NME1: variants seen among roughly 807,000 people sequenced by gnomAD.
NME1 encodes the protein NME/NM23 nucleoside diphosphate kinase 1.
In NME1, 9 loss-of-function variants were observed where a neutral mutation model predicts 17.2. The observed-to-expected ratio is 0.52, with a 90% CI of 0.32 to 0.92. The LOEUF is 0.92. Among genes scored for constraint, NME1 ranks in the 40% least tolerant of loss-of-function variants. The probability of loss-of-function intolerance (pLI) is 0.04; values close to 1 mark genes in which losing one functional copy is unlikely to be tolerated. For synonymous variants in NME1, 72 were observed against 70.8 expected, an observed-to-expected ratio of 1.02 and a Z score of -0.09; for missense variants, 169 against 201.7, an observed-to-expected ratio of 0.84 and a Z score of 0.98.
chr17:51,153,950 C>T (rs1352730056), intron 1 of NME1: 1 of 207,248 alleles, frequency 4.8e-6, no homozygotes, highest in Admixed American at 5.3e-5. Context: ...AGTTGGCGCT[C>T]TGTAAGTGCT....
In NME1 at chr17:51,161,878, A is replaced by G; in HGVS notation, c.*33A>G. 3 of 1,351,612 alleles carry G rather than the reference A, an allele frequency of 2.2e-6. No homozygotes were observed. The East Asian group carries it at 6.9e-5, about 31-fold the overall frequency. 83.7% of individuals were successfully genotyped at this position (1,351,612 alleles called of 1,614,324 possible). A position where few individuals can be genotyped will look rare whatever the true frequency, so the allele number is the denominator to read the frequency against. On this transcript the variant is annotated 3_prime_UTR_variant, in exon 5 of 5. Transcript: ENST00000393196. ...GCAGACCACATTGCTTTTCACATCC[A>G]TTTCCCCTCCTTCCCATGGGCAGAG...
intron 2 of NME1, among the ~76,000 whole-genome samples, chr17:51,158,337 A>G (rs535194109): frequency 4.6e-5 from 7 of 151,958 alleles, no homozygotes; most frequent in Non-Finnish European, 8.8e-5. Flanking sequence ...GCTACTGAGA[A>G]TCTGAGGCAA....
At chr17:51,155,886 A>G in intron 2 of NME1, 106 bp downstream of exon 2, 5 of 1,551,242 alleles carry the variant, frequency 3.2e-6, no homozygotes, top group Non-Finnish European at 3.5e-6. Flanking sequence ...TCCACGGTAG[A>G]GTGAACACAA....
intron 1 of NME1, 67 bp from the exon 2 acceptor site, chr17:51,155,584 T>C: frequency 6.2e-7 from 1 of 1,603,466 alleles, no homozygotes; most frequent in Non-Finnish European, 8.5e-7. Context: ...GATAATCCGC[T>C]TGAGACGGAT....
At chr17:51,160,138 C>T (rs1568122055) in intron 3 of NME1, 57 bp downstream of exon 3, 2 of 1,588,798 alleles carry the variant, frequency 1.3e-6, no homozygotes, top group Non-Finnish European at 8.6e-7. Context: ...CTGTGCTAGG[C>T]TCTCTTCTAG....
intron 2 of NME1, chr17:51,156,282 A>G: frequency 9.4e-6 from 2 of 212,778 alleles, no homozygotes; most frequent in East Asian, 2.4e-4. Flanking sequence ...GTTCTTCAGA[A>G]ACAGCAGAGA....
chr17:51,161,642 A>C, intron 4 of NME1, 86 bp from the exon 5 acceptor site: 1 of 991,850 alleles, frequency 1.0e-6, no homozygotes, highest in Non-Finnish European at 1.6e-6. Flanking sequence ...TTCAGCTTTT[A>C]TGCTGCTGTG....
At chr17:51,154,171 TTG>T in intron 1 of NME1, 1 of 547,002 alleles carries the variant, frequency 1.8e-6, no homozygotes, top group Non-Finnish European at 3.3e-6. Context: ...TTTTTTTTTT[TTG>T]GAAGTTGCAG....
At chr17:51,160,545 G>A (rs1365048734) in intron 3 of NME1, 1 of 332,698 alleles carries the variant, frequency 3.0e-6, no homozygotes, top group South Asian at 2.5e-5. Context: ...TTCTCTCTTA[G>A]GGGTGTGTTG....
intron 2 of NME1, 132 bp from the exon 3 acceptor site, chr17:51,159,848 A>G: frequency 1.0e-6 from 1 of 981,674 alleles, no homozygotes; most frequent in Non-Finnish European, 1.6e-6. Context: ...TGGAGAATGA[A>G]TTGGGTTATA....
chr17:51,159,966 G>T lies in NME1; in HGVS notation c.127-14G>T. 1 of 1,613,984 alleles carries T rather than the reference G, an allele frequency of 6.2e-7. No homozygotes were observed. Among genetic ancestry groups the T allele is most frequent in the South Asian group, 1.1e-5 (1 of 91,070 alleles). On this transcript the variant is annotated splice_polypyrimidine_tract_variant and intron_variant, in intron 2 of 4. Transcript: ENST00000393196. ...GGTTTGGGGGTTATTCTCATTCTCT[G>T]TCCTGTTGAATAGGCTTCCGAAGAT...
At position 51,161,886 on chromosome 17, in the gene NME1, T is replaced by G. The variant is rs1374902083; in HGVS notation, c.*41T>G. On this transcript the variant is annotated 3_prime_UTR_variant, in exon 5 of 5. Coordinates refer to ENST00000393196, the MANE Select transcript of NME1 (RefSeq NM_000269.3). ...CATTGCTTTTCACATCCATTTCCCCTCCTTCCCATGGGCAGAGGACCAGGC... is the reference window on the plus strand; with the variant it reads ...CATTGCTTTTCACATCCATTTCCCCGCCTTCCCATGGGCAGAGGACCAGGC... 7.8e-7 allele frequency: 1 copy of G among 1,276,836 alleles called. No individual in the cohort carries two copies. The highest frequency in any genetic ancestry group is 1.1e-6 in the Non-Finnish European group (1 of 873,396). 79.1% of individuals were successfully genotyped at this position (1,276,836 alleles called of 1,614,324 possible).
intron 1 of NME1, chr17:51,154,331 G>T: frequency 6.3e-7 from 1 of 1,580,850 alleles, no homozygotes. Context: ...CTAAGATGCT[G>T]TAAGAAGAGG....
chr17:51,155,684 G>C lies in NME1; in HGVS notation c.30G>C (p.Ala10=). Residue 10 remains alanine, a synonymous_variant, in exon 2 of 5, where the codon GCG becomes GCC. Transcript: ENST00000393196. ...CCAACTGTGAGCGTACCTTCATTGC[G>C]ATCAAACCAGATGGGGTCCAGCGGG... MANCERTFI[A]IKPDGVQRGL... is the part of the protein sequence containing the mutation. 6.2e-7 allele frequency: 1 copy of C among 1,614,064 alleles called. No homozygotes were observed. Among genetic ancestry groups the C allele is most frequent in the Non-Finnish European group, 8.5e-7 (1 of 1,179,968 alleles).
chr17:51,154,507 C>T, intron 1 of NME1: 1 of 1,413,876 alleles, frequency 7.1e-7, no homozygotes, highest in Non-Finnish European at 1.0e-6. Context: ...ACTCTCTAGG[C>T]TTCCTTTCAG....
Position 51,160,092 on chromosome 17 carries a change from C to G in NME1, c.228+11C>G. The G allele has an allele frequency of 6.2e-7, 1 of 1,613,912 alleles. No individual in the cohort carries two copies. Among genetic ancestry groups the G allele is most frequent in the South Asian group, 1.1e-5 (1 of 91,076 alleles). Reference sequence around the variant, plus strand: ...CCGGTAGTTGCCATGGTGAGTGTGCCTGTGTGGGATACTCCAAGTATGCAT... The same window carrying G: ...CCGGTAGTTGCCATGGTGAGTGTGCGTGTGTGGGATACTCCAAGTATGCAT... On this transcript the variant is annotated intron_variant, in intron 3 of 4. Coordinates refer to ENST00000393196, the MANE Select transcript of NME1 (RefSeq NM_000269.3).
In NME1 at chr17:51,160,255, G is replaced by C. The variant is rs575488018; in HGVS notation, c.228+174G>C. 207 of 753,086 alleles carry C rather than the reference G, an allele frequency of 2.7e-4. 2 individuals carry two copies. In the South Asian group the frequency reaches 2.9e-3, roughly 11 times the overall value. 46.7% of individuals were successfully genotyped at this position (753,086 alleles called of 1,614,324 possible). ...AATGAAATATGCCCAGAAATGAATA[G>C]GAGTAGCAAATGATCACTTTAGATT... On this transcript the variant is annotated intron_variant, in intron 3 of 4. Coordinates refer to ENST00000393196, the MANE Select transcript of NME1 (RefSeq NM_000269.3).
At chr17:51,157,003 CAA>C (rs36025797) in intron 2 of NME1, among the ~76,000 whole-genome samples, 19 of 140,520 alleles carry the variant, frequency 1.4e-4, no homozygotes, top group Admixed American at 1.4e-4. Context: ...GACTCTGTCT[CAA>C]AAAAAAAAAA....
intron 1 of NME1, among the ~76,000 whole-genome samples, chr17:51,154,758 C>T (rs1446638009): frequency 6.6e-6 from 1 of 152,170 alleles, no homozygotes; most frequent in Admixed American, 6.5e-5. Context: ...ATGGCTGTGG[C>T]ATTAAGTCAA....
Sources: gnomAD v4.1 joint callset for allele counts (sites outside exome capture counted in the v4.1 genomes callset) on GRCh38, gnomAD v4.1.1 for gene constraint, MANE v1.5 for transcripts, NCBI Gene and HGNC (gene_info 2026-07-23, HGNC 2026-07-21) for gene names.